Variants in GNAS observed in about 807,000 individuals in gnomAD.
GNAS encodes the protein protein ALEX.
A neutral mutation model predicts 54.5 loss-of-function variants in GNAS; 8 were observed. That is an observed-to-expected ratio of 0.15 (90% confidence interval 0.09 to 0.26). The LOEUF (loss-of-function observed/expected upper bound fraction) is 0.26, where lower values mean the gene tolerates loss of function less well. Ranked by LOEUF, GNAS falls within the 10% of genes least tolerant of loss-of-function variation. GNAS has a pLI of 1.00. For missense variants in GNAS, 170 were observed against 529.8 expected (o/e 0.32, Z 6.67); for synonymous variants, 204 against 191.4 (o/e 1.07, Z -0.54).
rs2146268765 is a variant in GNAS at position 58,909,324 on chromosome 20, A to C, written c.586-26A>C. ...TACTGTTTCGGTTGGCTTTGGTGAG[A>C]TCCATTGACCTCAATTTTGTTTCAG... On this transcript the variant is annotated intron_variant, in intron 7 of 12. Coordinates refer to ENST00000371085, the MANE Select transcript of GNAS (RefSeq NM_000516.7). The surrounding 1 kb of genome is among the most constrained non-coding windows in gnomAD (Gnocchi z 7.3). The C allele has an allele frequency of 6.3e-7, 1 of 1,596,918 alleles. No individual in the cohort carries two copies. Among genetic ancestry groups the C allele is most frequent in the Non-Finnish European group, 8.6e-7 (1 of 1,164,290 alleles).
At chr20:58,882,685 A>C (rs889416592) in intron 1 of GNAS, among the ~76,000 whole-genome samples, 1 of 152,190 alleles carries the variant, frequency 6.6e-6, no homozygotes, top group South Asian at 2.1e-4. Flanking sequence ...CTGTTCACCT[A>C]TTAACTCTTT....
intron 3 of GNAS, among the ~76,000 whole-genome samples, chr20:58,902,287 CAA>C (rs2090684814): frequency 6.6e-6 from 1 of 152,178 alleles, no homozygotes; most frequent in African/African-American, 2.4e-5. Context: ...ATACTCCACA[CAA>C]GAGGCCTTTT....
intron 2 of GNAS, chr20:58,898,563 TAGG>T: frequency 7.5e-6 from 2 of 268,216 alleles, no homozygotes; most frequent in Non-Finnish European, 1.4e-5. Flanking sequence ...CTGGGAGAAT[TAGG>T]AGCCTTATGC....
upstream of GNAS, chr20:58,888,456 G>A (rs1184225280): frequency 2.0e-5 from 3 of 152,246 alleles, no homozygotes; most frequent in Non-Finnish European, 4.4e-5. Context: ...CCCGTGCACT[G>A]CTATATCCTA....
Position 58,909,878 on chromosome 20 carries a change from C to T in GNAS, c.840-73C>T, listed in dbSNP as rs1318489957. 1.9e-6 allele frequency: 3 copies of T among 1,612,678 alleles called. No homozygotes were observed. The highest frequency in any genetic ancestry group is 2.7e-5 in the African/African-American group (2 of 75,024). On this transcript the variant is annotated intron_variant, in intron 10 of 12. Transcript: ENST00000371085. The surrounding 1 kb of genome is among the most constrained non-coding windows in gnomAD (Gnocchi z 7.3). ...TCTGCACTGTTTATAGAGAAGAACC[C>T]CGTGCAAGCATTCCAGACCCCTGGC...
chr20:58,889,114 G>A, upstream of GNAS: 4 of 1,158,104 alleles, frequency 3.5e-6, no homozygotes, highest in South Asian at 4.5e-5. Context: ...CTATGGGTCG[G>A]TCCTCTGAAG....
chr20:58,840,694 C>T, upstream of GNAS: 2 of 1,603,988 alleles, frequency 1.2e-6, no homozygotes, highest in South Asian at 1.1e-5. This position sits in a 1 kb window ranked among gnomAD's most constrained non-coding sequence, Gnocchi z 6.0. Context: ...AGCTCAAGCC[C>T]GAGGACAAAG....
chr20:58,882,398 G>A (rs2088295216), intron 1 of GNAS, among the ~76,000 whole-genome samples: 1 of 152,216 alleles, frequency 6.6e-6, no homozygotes, highest in African/African-American at 2.4e-5. Flanking sequence ...TCTCCCCTAA[G>A]GCTGACATTT....
At chr20:58,868,022 C>CTTTTTTTTTT (rs370255144) in intron 1 of GNAS, among the ~76,000 whole-genome samples, 1 of 132,616 alleles carries the variant, frequency 7.5e-6, no homozygotes, top group African/African-American at 2.9e-5. Flanking sequence ...TTCTTTCTTT[C>CTTTTTTTTTT]TTTTTTTTTT....
At chr20:58,861,677 G>C (rs1160921155) in intron 1 of GNAS, among the ~76,000 whole-genome samples, 1 of 152,146 alleles carries the variant, frequency 6.6e-6, no homozygotes, top group Non-Finnish European at 1.5e-5. Context: ...CCTGAACAAA[G>C]GAGAGGAGAG....
chr20:58,891,555 G>T lies in GNAS; in HGVS notation c.-172G>T. On this transcript the variant is annotated 5_prime_UTR_variant, in exon 1 of 13. Transcript: ENST00000371085. ...GACACCCTCCCCTTCCCGCCCGTCC[G>T]CGCGCCCCGCGGCCCGCGGCCCGCA... 1 of 973,046 alleles carries T rather than the reference G, an allele frequency of 1.0e-6. No individual in the cohort carries two copies. Among genetic ancestry groups the T allele is most frequent in the Non-Finnish European group, 1.2e-6 (1 of 822,746 alleles). 60.3% of individuals were successfully genotyped at this position (973,046 alleles called of 1,614,324 possible). A position where few individuals can be genotyped will look rare whatever the true frequency, so the allele number is the denominator to read the frequency against.
chr20:58,870,509 G>A (rs2087370912), intron 1 of GNAS, among the ~76,000 whole-genome samples: 1 of 152,228 alleles, frequency 6.6e-6, no homozygotes, highest in African/African-American at 2.4e-5. Context: ...CTCAGAAATT[G>A]GGATCTTGGA....
intron 3 of GNAS, among the ~76,000 whole-genome samples, chr20:58,900,640 T>A (rs2090525086): frequency 6.6e-6 from 1 of 152,198 alleles, no homozygotes; most frequent in African/African-American, 2.4e-5. Context: ...AGTCCCAATT[T>A]TGTAGCGAAT....
intron 1 of GNAS, among the ~76,000 whole-genome samples, chr20:58,849,746 A>G (rs552750509): frequency 1.4e-4 from 22 of 152,262 alleles, no homozygotes; most frequent in African/African-American, 4.8e-4. Flanking sequence ...ACCCCTCTTG[A>G]GTGCCGTCCT....
At chr20:58,900,820 C>G (rs2090541650) in intron 3 of GNAS, among the ~76,000 whole-genome samples, 1 of 152,148 alleles carries the variant, frequency 6.6e-6, no homozygotes. Flanking sequence ...GTAATTGCTT[C>G]AATGGAAGAA....
At chr20:58,878,900 TGG>T (rs1296272359) in intron 1 of GNAS, among the ~76,000 whole-genome samples, 3 of 1,626 alleles carry the variant, frequency 1.8e-3, no homozygotes, top group Admixed American at 5.0e-3. Flanking sequence ...GCGGTGGTGG[TGG>T]GGGTGCGGGT....
At chr20:58,848,386 G>A (rs1482644502) in intron 1 of GNAS, among the ~76,000 whole-genome samples, 1 of 152,102 alleles carries the variant, frequency 6.6e-6, no homozygotes, top group East Asian at 1.9e-4. Context: ...TCAGGCACCA[G>A]CCTCTCCTGA....
intron 1 of GNAS, among the ~76,000 whole-genome samples, chr20:58,893,538 G>T (rs1408290333): frequency 6.6e-6 from 1 of 152,126 alleles, no homozygotes; most frequent in African/African-American, 2.4e-5. Context: ...GGTGGCTTTT[G>T]GTTTGCTCTT....
rs753948099 is a variant in GNAS, at chr20:58,856,993, C to G, written c.43+16107C>G. ...ATTAAATATTTTTGCCACATTTAAACAAAGCATCAATTAGCAATGGTCTGA... is the reference window on the plus strand; with the variant it reads ...ATTAAATATTTTTGCCACATTTAAAGAAAGCATCAATTAGCAATGGTCTGA... On this transcript the variant is annotated intron_variant, in intron 1 of 12. Coordinates refer to the GNAS transcript ENST00000306090. The surrounding 1 kb of genome is among the most constrained non-coding windows in gnomAD (Gnocchi z 4.2). The G allele has an allele frequency of 7.1e-6, 1 of 139,972 alleles. No individual in the cohort carries two copies. Among genetic ancestry groups the G allele is most frequent in the Non-Finnish European group, 1.5e-5 (1 of 64,718 alleles). The allele number at this position is 139,972 out of a possible 1,614,324, so 8.7% of individuals were successfully genotyped here.
Sources: allele counts gnomAD v4.1 joint callset (sites outside exome capture counted in the v4.1 genomes callset), GRCh38; gene constraint gnomAD v4.1.1; non-coding constraint Gnocchi (gnomAD v3.1); transcripts MANE v1.5; gene names NCBI Gene and HGNC (gene_info 2026-07-23, HGNC 2026-07-21).